Variants in MME observed in about 807,000 individuals in gnomAD.
MME encodes the protein neprilysin.
MME carries 98 observed loss-of-function variants against 113.2 expected under a neutral mutation model. The ratio of observed to expected loss-of-function variants is 0.87; its 90% CI spans 0.74 to 1.02. The LOEUF is 1.02. Ranked by LOEUF, MME falls within the 50% of genes least tolerant of loss-of-function variation. The pLI, the probability that MME is intolerant of heterozygous loss-of-function variation, is 0.00. For missense variants in MME, 836 were observed against 896.0 expected (o/e 0.93, Z 0.86); for synonymous variants, 292 against 300.6 (o/e 0.97, Z 0.30).
At chr3:155,037,151 C>T (rs1165936619) in intron 1 of MME, among the ~76,000 whole-genome samples, 2 of 152,160 alleles carry the variant, frequency 1.3e-5, no homozygotes, top group Admixed American at 6.6e-5. Context: ...TGCTTTGACC[C>T]TCTAGTAAGT....
At chr3:155,077,748 C>T (rs922590284), upstream of MME, among the ~76,000 whole-genome samples, 4 of 150,754 alleles carry the variant, frequency 2.7e-5, no homozygotes, top group African/African-American at 9.8e-5. Flanking sequence ...CAACAAAAAA[C>T]AGAAAGAAAA....
intron 20 of MME, among the ~76,000 whole-genome samples, chr3:155,171,199 T>A (rs1396686724): frequency 6.6e-6 from 1 of 152,214 alleles, no homozygotes; most frequent in Non-Finnish European, 1.5e-5. Context: ...AATATTTTAT[T>A]ACACTTTGAA....
chr3:155,136,523 G>A (rs1201493932), intron 8 of MME, among the ~76,000 whole-genome samples: 1 of 152,154 alleles, frequency 6.6e-6, no homozygotes, highest in Non-Finnish European at 1.5e-5. Context: ...CAGCTAGATA[G>A]TCACAGCATT....
At chr3:155,149,071 C>A (rs1202129135) in intron 16 of MME, among the ~76,000 whole-genome samples, 1 of 152,058 alleles carries the variant, frequency 6.6e-6, no homozygotes, top group East Asian at 1.9e-4. Flanking sequence ...AACTCCATCC[C>A]CTTCATAGAT....
At chr3:155,030,263 G>A (rs1712924862) in intron 1 of MME, among the ~76,000 whole-genome samples, 2 of 152,144 alleles carry the variant, frequency 1.3e-5, no homozygotes, top group African/African-American at 4.8e-5. Flanking sequence ...GTACAGGAGG[G>A]AGATGCCCTT....
chr3:155,043,607 C>T (rs1255457368), intron 1 of MME, among the ~76,000 whole-genome samples: 1 of 152,142 alleles, frequency 6.6e-6, no homozygotes, highest in Non-Finnish European at 1.5e-5. Flanking sequence ...GCTGGGATTA[C>T]AGGTGTGAGC....
At chr3:155,105,242 G>C (rs1424980377) in intron 3 of MME, among the ~76,000 whole-genome samples, 2 of 152,108 alleles carry the variant, frequency 1.3e-5, no homozygotes, top group Non-Finnish European at 2.9e-5. Flanking sequence ...GTCCAAATGA[G>C]GTGGAAAAAT....
chr3:155,093,186 CA>C (rs1716438702), intron 3 of MME, among the ~76,000 whole-genome samples: 1 of 151,986 alleles, frequency 6.6e-6, no homozygotes, highest in African/African-American at 2.4e-5. Context: ...TCCATTTTTG[CA>C]GTTTAAATGA....
upstream of MME, among the ~76,000 whole-genome samples, chr3:155,075,975 A>G (rs1714735790): frequency 6.6e-6 from 1 of 152,182 alleles, no homozygotes; most frequent in South Asian, 2.1e-4. Context: ...TTCTTTGCTT[A>G]TCATTCTTTC....
At chr3:155,042,729 T>G (rs1713368873) in intron 1 of MME, among the ~76,000 whole-genome samples, 1 of 151,696 alleles carries the variant, frequency 6.6e-6, no homozygotes, top group African/African-American at 2.4e-5. Context: ...CACTTTGCTT[T>G]CACTGACTTT....
intron 8 of MME, among the ~76,000 whole-genome samples, chr3:155,127,841 C>T (rs1024153787): frequency 6.6e-6 from 1 of 152,206 alleles, no homozygotes; most frequent in Admixed American, 6.5e-5. Flanking sequence ...TACATTATTA[C>T]AATTTCTTAA....
chr3:155,044,751 C>A (rs572387151), intron 1 of MME, among the ~76,000 whole-genome samples: 69 of 152,122 alleles, frequency 4.5e-4, no homozygotes, highest in African/African-American at 1.7e-3. Context: ...GGATATTTTC[C>A]CCCTGTTAGT....
At chr3:155,097,355 A>G (rs1333935965) in intron 3 of MME, among the ~76,000 whole-genome samples, 2 of 152,208 alleles carry the variant, frequency 1.3e-5, no homozygotes, top group Non-Finnish European at 2.9e-5. Context: ...AAACTCCAAA[A>G]GAAACCGAGA....
intron 3 of MME, among the ~76,000 whole-genome samples, chr3:155,088,258 T>C (rs530971365): frequency 6.6e-6 from 1 of 152,260 alleles, no homozygotes; most frequent in East Asian, 1.9e-4. Context: ...GGAAATCTTT[T>C]CTGCCACAGA....
upstream of MME, among the ~76,000 whole-genome samples, chr3:155,077,776 A>G (rs1399686466): frequency 6.6e-6 from 1 of 151,992 alleles, no homozygotes; most frequent in Non-Finnish European, 1.5e-5. Context: ...AGAAAAAAAT[A>G]TTTGTTCTGG....
intron 16 of MME, chr3:155,158,963 A>G (rs752595170): frequency 8.5e-5 from 13 of 152,122 alleles, no homozygotes; most frequent in Middle Eastern, 3.4e-3. Context: ...ATTCTTCCCC[A>G]TCTCCAAGCT....
At position 155,148,546 on chromosome 3, in the gene MME, A is replaced by G. The variant is rs1721692344; in HGVS notation, c.1498-4A>G. ...TTTCTTCCCAAATCTTCTTTATAAT[A>G]CAGTTGAACTACAAAGAAGATGAAT... On this transcript the variant is annotated splice_region_variant and splice_polypyrimidine_tract_variant and intron_variant, in intron 15 of 22. Transcript: ENST00000360490. The G allele has an allele frequency of 6.4e-7, 1 of 1,572,332 alleles. No individual in the cohort carries two copies. Among genetic ancestry groups the G allele is most frequent in the Admixed American group, 1.7e-5 (1 of 59,746 alleles).
rs1180486364 is a variant in MME, at chr3:155,180,480, G to A, written c.*21G>A. ...GGTGATCTTCAAAAGAAGCATTGCA[G>A]CCCTTGGCTAGACTTGCCAACACCA... On this transcript the variant is annotated 3_prime_UTR_variant, in exon 23 of 23. Transcript: ENST00000360490. 2 of 1,586,612 alleles carry A rather than the reference G, an allele frequency of 1.3e-6. No homozygotes were observed. Among genetic ancestry groups the A allele is most frequent in the Admixed American group, 1.7e-5 (1 of 59,886 alleles).
Position 155,143,517 on chromosome 3 carries a change from T to C in MME, c.1263T>C (p.Asn421=). ...CANYVNGNME[N]AVGRLYVEAA... ...ACTATGTCAATGGGAATATGGAAAA[T>C]GCTGTGGGGAGGCTTTATGTGGAAG... is the stretch of plus-strand genomic sequence containing the variant. Residue 421 remains asparagine, a synonymous_variant, in exon 13 of 23, where the codon AAT becomes AAC. Coordinates refer to ENST00000360490, the MANE Select transcript of MME (RefSeq NM_007289.4). 6.2e-7 allele frequency: 1 copy of C among 1,612,806 alleles called. No homozygotes were observed. The highest frequency in any genetic ancestry group is 8.5e-7 in the Non-Finnish European group (1 of 1,179,064).
Sources: allele counts gnomAD v4.1 joint callset (sites outside exome capture counted in the v4.1 genomes callset), GRCh38; gene constraint gnomAD v4.1.1; transcripts MANE v1.5; gene names NCBI Gene and HGNC (gene_info 2026-07-23, HGNC 2026-07-21).